MYO5A: variants seen among roughly 807,000 people sequenced by gnomAD.
The protein encoded by MYO5A is unconventional myosin-Va.
In MYO5A, 98 loss-of-function variants were observed where a neutral mutation model predicts 249.7. The observed-to-expected ratio is 0.39, with a 90% CI of 0.33 to 0.46. The LOEUF (loss-of-function observed/expected upper bound fraction) is 0.46, where lower values mean the gene tolerates loss of function less well. Ranked by LOEUF, MYO5A falls within the 20% of genes least tolerant of loss-of-function variation. MYO5A has a pLI of 0.98. For missense variants in MYO5A, 1,696 were observed against 2,308.8 expected (o/e 0.73, Z 5.44); for synonymous variants, 778 against 810.6 (o/e 0.96, Z 0.68).
chr15:52,333,991 A>G (rs2039004295), intron 34 of MYO5A, among the ~76,000 whole-genome samples: 1 of 152,244 alleles, frequency 6.6e-6, no homozygotes, highest in Admixed American at 6.5e-5. Flanking sequence ...CTAGATATGT[A>G]TCACTTAACT....
At chr15:52,480,482 G>T (rs1595762686) in intron 1 of MYO5A, among the ~76,000 whole-genome samples, 1 of 152,174 alleles carries the variant, frequency 6.6e-6, no homozygotes, top group South Asian at 2.1e-4. Context: ...CAAGAACAAA[G>T]CTGGCTCAGA....
At chr15:52,410,688 G>A (rs2043209389) in intron 5 of MYO5A, among the ~76,000 whole-genome samples, 1 of 150,752 alleles carries the variant, frequency 6.6e-6, no homozygotes, top group African/African-American at 2.4e-5. Context: ...CCAGGTTCAA[G>A]TGATTCTCCT....
chr15:52,324,385 GAC>G (rs374641633), intron 36 of MYO5A, among the ~76,000 whole-genome samples: 201 of 152,274 alleles, frequency 1.3e-3, no homozygotes, highest in African/African-American at 4.3e-3. Flanking sequence ...CTTCATGGCA[GAC>G]ATACTTGGAA....
chr15:52,396,348 C>T lies in MYO5A; in HGVS notation c.1369G>A (p.Ala457Thr), dbSNP rs902469654. Residue 457 changes from alanine (A) to threonine (T), a missense_variant, in exon 11 of 42, where the codon GCA becomes ACA. Transcript: ENST00000399233. ...NSFEQFCINY[A>T]NEKLQQQFNM... ...AATTGTTGCTGTAGTTTTTCATTTG[C>T]ATAATTTATGCAAAACTGTTCAAAA... is the stretch of plus-strand genomic sequence containing the variant. 2.6e-6 allele frequency: 4 copies of T among 1,565,348 alleles called. No individual in the cohort carries two copies. The highest frequency in any genetic ancestry group is 3.5e-6 in the Non-Finnish European group (4 of 1,138,632).
At chr15:52,407,232 A>T (rs1186959183) in intron 8 of MYO5A, 60 bp downstream of exon 8, 1 of 1,205,630 alleles carries the variant, frequency 8.3e-7, no homozygotes, top group Non-Finnish European at 1.2e-6. Context: ...TATTCTAAAC[A>T]AAGGTTGCTT....
rs759443751 is a variant in MYO5A at position 52,314,105 on chromosome 15, G to C, written c.5490+18C>G. 1.4e-5 allele frequency: 22 copies of C among 1,577,138 alleles called. No homozygotes were observed. The South Asian group carries it at 1.9e-4, about 14-fold the overall frequency. ...AAGACTGTGTTGGTGAATCAAAGAA[G>C]AAGATGGGAGCTCTTACCTGTATAG... is the stretch of plus-strand genomic sequence containing the variant. On this transcript the variant is annotated intron_variant, in intron 41 of 41. Transcript: ENST00000399233.
chr15:52,465,590 G>T (rs11856588), intron 1 of MYO5A, among the ~76,000 whole-genome samples: 1 of 151,998 alleles, frequency 6.6e-6, no homozygotes, highest in Non-Finnish European at 1.5e-5. Context: ...TCAGGAATTC[G>T]AAAGTATAGT....
At chr15:52,365,059 C>G (rs1343461109) in intron 23 of MYO5A, among the ~76,000 whole-genome samples, 1 of 152,008 alleles carries the variant, frequency 6.6e-6, no homozygotes, top group African/African-American at 2.4e-5. Context: ...TTATTTTGCC[C>G]AAAGTAGTGT....
chr15:52,397,231 T>G lies in MYO5A; in HGVS notation c.1289A>C (p.His430Pro), dbSNP rs1458258342. The G allele has an allele frequency of 1.2e-6, 2 of 1,613,784 alleles. No homozygotes were observed. The highest frequency in any genetic ancestry group is 2.2e-5 in the East Asian group (1 of 44,856). Reference protein sequence around the residue: ...NQALHSAVKQHSFIGVLDIYG... With the variant: ...NQALHSAVKQPSFIGVLDIYG... ...AATGTCTAGCACACCAATAAAAGAG[T>G]GCTGTTTGACAGCAGAATGGAGAGC... Residue 430 changes from histidine (H) to proline (P), a missense_variant, in exon 10 of 42, where the codon CAC (histidine) becomes CCC (proline). His to Pro is a moderately conservative substitution (Grantham distance 77, BLOSUM62 -2). This residue lies in a region of MYO5A where 185 missense variants were observed against 204.8 expected (regional missense o/e 0.90). Coordinates refer to ENST00000399233, the MANE Select transcript of MYO5A (RefSeq NM_001382347.1).
At chr15:52,473,407 C>T (rs1288353200) in intron 1 of MYO5A, among the ~76,000 whole-genome samples, 1 of 152,180 alleles carries the variant, frequency 6.6e-6, no homozygotes, top group Non-Finnish European at 1.5e-5. Context: ...AATTAGATCC[C>T]ATTTGTCAAT....
At chr15:52,388,601 T>C (rs1283232669) in intron 13 of MYO5A, among the ~76,000 whole-genome samples, 1 of 152,192 alleles carries the variant, frequency 6.6e-6, no homozygotes, top group East Asian at 1.9e-4. Flanking sequence ...CCCCAAAGCC[T>C]ACATCACAGT....
At chr15:52,476,299 A>C (rs2076591355) in intron 1 of MYO5A, among the ~76,000 whole-genome samples, 1 of 151,818 alleles carries the variant, frequency 6.6e-6, no homozygotes, top group Non-Finnish European at 1.5e-5. Context: ...TGCACGTGAG[A>C]TGGGTCTCCT....
In MYO5A at chr15:52,436,189, C is replaced by T. The variant is rs572545422; in HGVS notation, c.28-2904G>A. Among the ~76,000 whole-genome samples the T allele has an allele frequency of 1.4e-3, 215 of 152,360 alleles. 1 individual carries two copies. The highest frequency in any genetic ancestry group is 4.8e-3 in the African/African-American group (200 of 41,580). On this transcript the variant is annotated intron_variant, in intron 1 of 41. Transcript: ENST00000399233. ...AGAGTGATCCTCCCACCTTGGCCTCCCAAAGTGCTGGGATTACGGCGTGAG... is the reference window on the plus strand; with the variant it reads ...AGAGTGATCCTCCCACCTTGGCCTCTCAAAGTGCTGGGATTACGGCGTGAG...
At chr15:52,342,872 C>A (rs757360793) in intron 31 of MYO5A, among the ~76,000 whole-genome samples, 3 of 151,388 alleles carry the variant, frequency 2.0e-5, no homozygotes, top group Non-Finnish European at 4.4e-5. Context: ...GCTGAGATCG[C>A]ACCACTGCAC....
intron 1 of MYO5A, among the ~76,000 whole-genome samples, chr15:52,472,241 G>A (rs1031980251): frequency 2.0e-5 from 3 of 151,970 alleles, no homozygotes; most frequent in Non-Finnish European, 4.4e-5. Context: ...ACCACGCCCG[G>A]CTAATTTTTT....
chr15:52,419,575 T>C (rs1317570093), intron 4 of MYO5A, among the ~76,000 whole-genome samples: 1 of 152,222 alleles, frequency 6.6e-6, no homozygotes, highest in Non-Finnish European at 1.5e-5. Context: ...AATTTTATTT[T>C]TGAAGCATAA....
chr15:52,345,924 C>A (rs562544312), intron 30 of MYO5A, among the ~76,000 whole-genome samples: 1 of 152,246 alleles, frequency 6.6e-6, no homozygotes, highest in South Asian at 2.1e-4. Flanking sequence ...AGTTACATGG[C>A]CAACACTGAG....
intron 1 of MYO5A, among the ~76,000 whole-genome samples, chr15:52,444,475 T>C (rs1228734560): frequency 6.6e-6 from 1 of 152,212 alleles, no homozygotes. Context: ...AAGTTCCTTA[T>C]TCAACAAAAC....
At chr15:52,473,948 T>C (rs905601280) in intron 1 of MYO5A, among the ~76,000 whole-genome samples, 2 of 152,220 alleles carry the variant, frequency 1.3e-5, no homozygotes, top group South Asian at 2.1e-4. Flanking sequence ...GGTAGCTTGA[T>C]GGGGATGGCA....
Sources: allele counts gnomAD v4.1 joint callset (sites outside exome capture counted in the v4.1 genomes callset), GRCh38; gene constraint gnomAD v4.1.1; regional missense constraint gnomAD v4.1.1; transcripts MANE v1.5; gene names NCBI Gene and HGNC (gene_info 2026-07-23, HGNC 2026-07-21).